THSD7B: variants seen among roughly 807,000 people sequenced by gnomAD.
The protein encoded by THSD7B is thrombospondin type-1 domain-containing protein 7B.
In THSD7B, 138 loss-of-function variants were observed where a neutral mutation model predicts 213.6. The ratio of observed to expected loss-of-function variants is 0.65; its 90% CI spans 0.56 to 0.74. THSD7B has a LOEUF of 0.74. Among genes scored for constraint, THSD7B ranks in the 30% least tolerant of loss-of-function variants. THSD7B has a pLI of 0.00. For missense variants in THSD7B, 1,931 were observed against 1,991.5 expected (o/e 0.97, Z 0.58); for synonymous variants, 742 against 687.0 (o/e 1.08, Z -1.25).
chr2:137,401,231 T>A (rs1465098604), intron 12 of THSD7B, among the ~76,000 whole-genome samples: 1 of 152,222 alleles, frequency 6.6e-6, no homozygotes, highest in Non-Finnish European at 1.5e-5. Context: ...AGTTGTGCAA[T>A]GGAAGGGGCC....
At chr2:137,572,737 G>A (rs921107408) in intron 17 of THSD7B, among the ~76,000 whole-genome samples, 181 bp downstream of exon 17, 1 of 152,154 alleles carries the variant, frequency 6.6e-6, no homozygotes, top group Non-Finnish European at 1.5e-5. Context: ...GCAAGACTGA[G>A]CAATTTAAAA....
At chr2:137,138,213 T>G in intron 5 of THSD7B, among the ~76,000 whole-genome samples, 1 of 152,160 alleles carries the variant, frequency 6.6e-6, no homozygotes, top group Non-Finnish European at 1.5e-5. Context: ...AAGGATTTTT[T>G]TGTGAAAAAT....
chr2:137,666,608 G>A (rs995468164), intron 26 of THSD7B, among the ~76,000 whole-genome samples: 28 of 147,446 alleles, frequency 1.9e-4, no homozygotes, highest in African/African-American at 6.6e-4. Flanking sequence ...AATTACATTC[G>A]TGTAGTATAA....
At chr2:137,192,474 A>C (rs1336870651) in intron 7 of THSD7B, among the ~76,000 whole-genome samples, 1 of 152,164 alleles carries the variant, frequency 6.6e-6, no homozygotes, top group African/African-American at 2.4e-5. Context: ...ACAAAGCTGA[A>C]AGCATTGGTA....
At position 137,361,145 on chromosome 2, in the gene THSD7B, G is replaced by A. The variant is rs528755273; in HGVS notation, c.2501-44468G>A. Reference sequence around the variant, plus strand: ...AGACCTGTAGCTGAGGGACCTGACTGTTAGAAGGAAAACCAACAAACAGAA... The same window carrying A: ...AGACCTGTAGCTGAGGGACCTGACTATTAGAAGGAAAACCAACAAACAGAA... On this transcript the variant is annotated intron_variant, in intron 12 of 27. Coordinates refer to ENST00000409968, the MANE Select transcript of THSD7B (RefSeq NM_001316349.2). Among the ~76,000 whole-genome samples, 6 of 152,298 alleles carry A rather than the reference G, an allele frequency of 3.9e-5. No homozygotes were observed. The South Asian group carries it at 1.2e-3, about 32-fold the overall frequency.
intron 10 of THSD7B, among the ~76,000 whole-genome samples, chr2:137,261,276 G>T (rs1013688042): frequency 1.2e-4 from 19 of 152,088 alleles, no homozygotes; most frequent in African/African-American, 4.3e-4. Context: ...TCTTGAAAGT[G>T]GTGACCCTCT....
intron 12 of THSD7B, among the ~76,000 whole-genome samples, chr2:137,294,546 G>A (rs114101473): frequency 7.7e-6 from 1 of 129,616 alleles, no homozygotes; most frequent in African/African-American, 3.1e-5. Context: ...TTATGCCACT[G>A]TACTCCAGCC....
chr2:136,970,581 T>G (rs183121223), intron 2 of THSD7B, among the ~76,000 whole-genome samples: 12 of 152,054 alleles, frequency 7.9e-5, no homozygotes, highest in Admixed American at 6.6e-4. Flanking sequence ...GTCCAAAATT[T>G]GATAGGTAAT....
intron 15 of THSD7B, among the ~76,000 whole-genome samples, chr2:137,546,415 TTATATATATTA>T (rs1166923115): frequency 0.055 from 1,396 of 25,512 alleles, 183 homozygotes; most frequent in South Asian, 0.2. Flanking sequence ...TATATATATA[TTATATATATTA>T]TATATATATT....
At chr2:136,970,015 T>A (rs1207605017) in intron 2 of THSD7B, among the ~76,000 whole-genome samples, 1 of 152,194 alleles carries the variant, frequency 6.6e-6, no homozygotes, top group Admixed American at 6.6e-5. Context: ...AAATATTTTT[T>A]AAAACTTGTG....
chr2:137,422,005 C>T (rs931356966), intron 14 of THSD7B, among the ~76,000 whole-genome samples: 9 of 152,104 alleles, frequency 5.9e-5, no homozygotes, highest in Non-Finnish European at 1.2e-4. Flanking sequence ...TGTTTTTCAC[C>T]ATACCAGAAT....
intron 15 of THSD7B, among the ~76,000 whole-genome samples, chr2:137,476,069 A>G (rs1011705709): frequency 2.6e-5 from 4 of 152,046 alleles, no homozygotes; most frequent in Admixed American, 2.6e-4. Context: ...AATGTTGAGT[A>G]TTTTTTCATA....
At chr2:137,495,213 C>T (rs1027101783) in intron 15 of THSD7B, among the ~76,000 whole-genome samples, 1 of 152,066 alleles carries the variant, frequency 6.6e-6, no homozygotes, top group South Asian at 2.1e-4. Flanking sequence ...AATAAATATA[C>T]TATTTAAAAT....
At chr2:137,567,861 T>C (rs1681270839) in intron 16 of THSD7B, among the ~76,000 whole-genome samples, 1 of 152,166 alleles carries the variant, frequency 6.6e-6, no homozygotes, top group East Asian at 1.9e-4. Context: ...AGATTTAGAA[T>C]ATAAATTTGG....
intron 15 of THSD7B, among the ~76,000 whole-genome samples, chr2:137,521,975 G>A (rs1346693456): frequency 6.6e-6 from 1 of 152,150 alleles, no homozygotes; most frequent in Non-Finnish European, 1.5e-5. Flanking sequence ...CCTTGTAGGG[G>A]TATCACAAAG....
At chr2:137,350,090 A>G (rs918844768) in intron 12 of THSD7B, among the ~76,000 whole-genome samples, 2 of 151,832 alleles carry the variant, frequency 1.3e-5, no homozygotes, top group Admixed American at 6.6e-5. Flanking sequence ...TTATGTACCA[A>G]TGTATTAGGG....
chr2:136,779,140 A>G (rs537143539), intron 1 of THSD7B, among the ~76,000 whole-genome samples: 19 of 149,240 alleles, frequency 1.3e-4, no homozygotes, highest in African/African-American at 3.9e-4. Flanking sequence ...TTCTTGTATC[A>G]TTTCTCCATA....
At chr2:137,635,625 G>T (rs1261745017) in intron 20 of THSD7B, among the ~76,000 whole-genome samples, 4 of 152,148 alleles carry the variant, frequency 2.6e-5, no homozygotes, top group African/African-American at 9.7e-5. Context: ...TTCAGGGCCA[G>T]TTCTAGGAAT....
intron 2 of THSD7B, among the ~76,000 whole-genome samples, chr2:136,961,084 G>A (rs375406937): frequency 1.6e-4 from 4 of 24,668 alleles, no homozygotes; most frequent in African/African-American, 5.7e-4. Context: ...GCAAGACTCC[G>A]TCTCAAAAAA....
Sources: allele counts gnomAD v4.1 joint callset (sites outside exome capture counted in the v4.1 genomes callset), GRCh38; gene constraint gnomAD v4.1.1; transcripts MANE v1.5; gene names NCBI Gene and HGNC (gene_info 2026-07-23, HGNC 2026-07-21).